Variants in MAGI1 observed in about 807,000 individuals in gnomAD.
The protein encoded by MAGI1 is membrane-associated guanylate kinase, WW and PDZ domain-containing protein 1.
In MAGI1, 58 loss-of-function variants were observed where a neutral mutation model predicts 139.9. The ratio of observed to expected loss-of-function variants is 0.41; its 90% CI spans 0.34 to 0.52. MAGI1 has a LOEUF of 0.52. Ranked by LOEUF, MAGI1 falls within the 20% of genes least tolerant of loss-of-function variation. The pLI, the probability that MAGI1 is intolerant of heterozygous loss-of-function variation, is 0.12. For missense variants in MAGI1, 1,874 were observed against 1,901.6 expected, an observed-to-expected ratio of 0.99 and a Z score of 0.27; for synonymous variants, 812 against 737.9, an observed-to-expected ratio of 1.10 and a Z score of -1.63.
intron 1 of MAGI1, among the ~76,000 whole-genome samples, chr3:66,035,769 G>A (rs898857713): frequency 5.9e-5 from 9 of 152,158 alleles, no homozygotes; most frequent in African/African-American, 1.9e-4. Flanking sequence ...TGCACAAGGG[G>A]TGAAGAGAGC....
rs1300822342 is a variant in MAGI1, at chr3:65,984,314, T to C, written c.313+53682A>G. Among the ~76,000 whole-genome samples the C allele has an allele frequency of 2.0e-5, 3 of 152,086 alleles. No individual in the cohort carries two copies. In the East Asian group the frequency reaches 5.8e-4, roughly 29 times the overall value. On this transcript the variant is annotated intron_variant, in intron 1 of 22. Transcript: ENST00000402939. The stretch of plus-strand genomic sequence containing the variant: ...ATCTAAAAACTATATAAATAGTGTG[T>C]TGGGTACTAGGAATCTGGTGGTTAG...
chr3:65,875,747 G>A (rs971202720), intron 1 of MAGI1, among the ~76,000 whole-genome samples: 2 of 152,132 alleles, frequency 1.3e-5, no homozygotes, highest in African/African-American at 2.4e-5. Context: ...ACATAATAAT[G>A]AAGAAGAAGA....
chr3:66,034,155 C>A (rs1227992461), intron 1 of MAGI1, among the ~76,000 whole-genome samples: 2 of 151,618 alleles, frequency 1.3e-5, no homozygotes, highest in Non-Finnish European at 2.9e-5. Flanking sequence ...CCCCACCCCC[C>A]AACCCCAACC....
intron 2 of MAGI1, among the ~76,000 whole-genome samples, chr3:65,583,672 C>A (rs1037820112): frequency 6.6e-6 from 1 of 152,068 alleles, no homozygotes; most frequent in Non-Finnish European, 1.5e-5. Context: ...TCACTATAAA[C>A]TGCACTCCCA....
At chr3:65,493,346 C>T (rs918982512) in intron 3 of MAGI1, among the ~76,000 whole-genome samples, 166 bp downstream of exon 3, 2 of 152,210 alleles carry the variant, frequency 1.3e-5, no homozygotes, top group African/African-American at 4.8e-5. Flanking sequence ...TCCACAAAGC[C>T]TTATTCCATA....
intron 18 of MAGI1, among the ~76,000 whole-genome samples, chr3:65,369,512 C>CTT (rs759624135): frequency 8.4e-5 from 12 of 142,408 alleles, no homozygotes; most frequent in East Asian, 2.1e-4. Flanking sequence ...GTGATGGATT[C>CTT]TTTTTTTTTT....
At position 65,708,213 on chromosome 3, in the gene MAGI1, C is replaced by T. The variant is rs189021472; in HGVS notation, c.314-86125G>A. ...ATAGGACCCAACCTGGCTTTTCCCC[C>T]CTTTTAAAGAAATCAATGGCATTTA... On this transcript the variant is annotated intron_variant, in intron 1 of 22. Coordinates refer to ENST00000402939, the MANE Select transcript of MAGI1 (RefSeq NM_001033057.2). 4.3e-4 allele frequency among the ~76,000 whole-genome samples: 65 copies of T among 152,226 alleles called. No homozygotes were observed. The South Asian group carries it at 7.7e-3, about 18-fold the overall frequency.
In MAGI1 at chr3:65,447,491, G is replaced by A. The variant is rs532435819; in HGVS notation, c.1078+531C>T. ...ACTACAATGGCAAGGTCAACAACAC[G>A]TGGTCTGGGACGTAATAACAACACA... On this transcript the variant is annotated intron_variant, in intron 7 of 22. Transcript: ENST00000402939. Among the ~76,000 whole-genome samples the A allele has an allele frequency of 4.6e-5, 7 of 152,278 alleles. No individual in the cohort carries two copies. In the South Asian group the frequency reaches 1.2e-3, roughly 27 times the overall value.
At chr3:65,948,028 G>A (rs948094500) in intron 1 of MAGI1, among the ~76,000 whole-genome samples, 2 of 138,930 alleles carry the variant, frequency 1.4e-5, no homozygotes, top group Non-Finnish European at 1.5e-5. Flanking sequence ...TGCTACCTCC[G>A]CCTCCCAGGT....
At chr3:65,625,641 A>G (rs999730829) in intron 1 of MAGI1, among the ~76,000 whole-genome samples, 3 of 152,208 alleles carry the variant, frequency 2.0e-5, no homozygotes, top group African/African-American at 4.8e-5. Flanking sequence ...GATGGAAATT[A>G]TAATTATGAT....
chr3:65,810,869 C>G (rs1444016042), intron 1 of MAGI1, among the ~76,000 whole-genome samples: 1 of 152,192 alleles, frequency 6.6e-6, no homozygotes, highest in East Asian at 1.9e-4. Flanking sequence ...TCCTCTTTCT[C>G]TTCCATGAGA....
rs538890441 is a variant in MAGI1, at chr3:65,391,254, G to A, written c.2304C>T (p.Pro768=). The A allele has an allele frequency of 1.5e-5, 25 of 1,614,124 alleles. No individual in the cohort carries two copies. Among genetic ancestry groups the A allele is most frequent in the South Asian group, 1.4e-4 (13 of 91,074 alleles). Residue 768 remains proline, a synonymous_variant, in exon 14 of 23, where the codon CCC becomes CCT. Transcript: ENST00000402939. ...CTTGGGCCTCTGCAGGTGGGAACTC[G>A]GGGAGCACCTGTGTGCTGTGGCTTG... ...ASPSHSTQVL[P]EFPPAEAQAP...
At chr3:65,891,900 A>G (rs1178735968) in intron 1 of MAGI1, among the ~76,000 whole-genome samples, 7 of 42,242 alleles carry the variant, frequency 1.7e-4, no homozygotes, top group Admixed American at 4.9e-4. Context: ...ATATATATAT[A>G]TATATATATA....
At chr3:65,849,584 CT>C (rs2059137435) in intron 1 of MAGI1, among the ~76,000 whole-genome samples, 1 of 151,268 alleles carries the variant, frequency 6.6e-6, no homozygotes, top group Admixed American at 6.6e-5. Context: ...TTGAGGGTTG[CT>C]GGTCTGTTAT....
chr3:65,700,699 C>T (rs2089536444), intron 1 of MAGI1, among the ~76,000 whole-genome samples: 2 of 152,122 alleles, frequency 1.3e-5, no homozygotes, highest in Admixed American at 6.5e-5. Context: ...TAGGGATCAA[C>T]CAATTAAAAA....
chr3:65,874,680 C>T (rs2060052126), intron 1 of MAGI1: 2 of 152,186 alleles, frequency 1.3e-5, no homozygotes, highest in Non-Finnish European at 2.9e-5. Context: ...AATGGTGCAG[C>T]TGCTTTAGGA....
chr3:65,687,712 G>T (rs2088183769), intron 1 of MAGI1: 2 of 529,514 alleles, frequency 3.8e-6, no homozygotes, highest in South Asian at 2.9e-5. Flanking sequence ...TGCTGCCCTG[G>T]GAAACAAAGT....
At chr3:65,971,304 C>T (rs1011104663) in intron 1 of MAGI1, among the ~76,000 whole-genome samples, 4 of 152,220 alleles carry the variant, frequency 2.6e-5, no homozygotes, top group Non-Finnish European at 4.4e-5. Context: ...CAATGTAGAA[C>T]TGTGCTTCAT....
intron 1 of MAGI1, among the ~76,000 whole-genome samples, chr3:65,721,449 C>G (rs993324883): frequency 1.3e-4 from 20 of 152,170 alleles, no homozygotes; most frequent in African/African-American, 4.6e-4. Flanking sequence ...CCTAAGCAAG[C>G]TAGTAAGTGT....
Sources: allele counts gnomAD v4.1 joint callset (sites outside exome capture counted in the v4.1 genomes callset), GRCh38; gene constraint gnomAD v4.1.1; transcripts MANE v1.5; gene names NCBI Gene and HGNC (gene_info 2026-07-23, HGNC 2026-07-21).